The following HLCS variants were observed in gnomAD, a reference collection of about 807,000 sequenced individuals.
The protein encoded by HLCS is biotin--protein ligase.
HLCS carries 53 observed loss-of-function variants against 75.0 expected under a neutral mutation model. The ratio of observed to expected loss-of-function variants is 0.71; its 90% CI spans 0.57 to 0.89. The LOEUF is 0.89. HLCS is among the 40% of genes least tolerant of loss of function. The pLI, the probability that HLCS is intolerant of heterozygous loss-of-function variation, is 0.00. For synonymous variants in HLCS, 431 were observed against 428.6 expected (o/e 1.01, Z -0.07); for missense variants, 966 against 1,074.0 (o/e 0.90, Z 1.41).
At position 36,985,496 on chromosome 21, in the gene HLCS, G is replaced by A. The variant is rs141516044; in HGVS notation, c.-393+4662C>T. 5.8e-3 allele frequency among the ~76,000 whole-genome samples: 881 copies of A among 152,252 alleles called. 6 individuals are homozygous for A. Among genetic ancestry groups the A allele is most frequent in the Non-Finnish European group, 9.8e-3 (666 of 68,026 alleles). On this transcript the variant is annotated intron_variant, in intron 1 of 11. Coordinates refer to the HLCS transcript ENST00000336648. ...AAAAATACAAAAATTCGCTGGGCAC[G>A]GTGGCTCACGCCTGTAATCCCAGCA...
chr21:36,952,536 G>A (rs928510005), intron 2 of HLCS, among the ~76,000 whole-genome samples: 1 of 152,076 alleles, frequency 6.6e-6, no homozygotes, highest in Non-Finnish European at 1.5e-5. Context: ...GCTCACGCCC[G>A]TAATCCCAGC....
At chr21:36,990,197 C>G (rs539794628) in exon 1 of HLCS, 1 of 152,438 alleles carries the variant, frequency 6.6e-6, no homozygotes, top group Non-Finnish European at 1.5e-5. Context: ...GCCGGGTGGT[C>G]GCCCGCGAAT....
At chr21:36,863,099 T>C (rs1429069458) in intron 6 of HLCS, among the ~76,000 whole-genome samples, 1 of 152,056 alleles carries the variant, frequency 6.6e-6, no homozygotes, top group Non-Finnish European at 1.5e-5. Flanking sequence ...CCAAATCCCA[T>C]GAGACAGAAA....
rs73902740 is a variant in HLCS at position 36,825,005 on chromosome 21, G to T, written c.1893-57720C>A. On this transcript the variant is annotated intron_variant, in intron 6 of 10. Coordinates refer to ENST00000674895, the MANE Select transcript of HLCS (RefSeq NM_001352514.2). The stretch of plus-strand genomic sequence containing the variant: ...AAAACTTCTTTTTGAAAGAAAGAAA[G>T]ACTTTGACATAAAAATGTTCAATGT... Among the ~76,000 whole-genome samples, 604 of 152,276 alleles carry T rather than the reference G, an allele frequency of 4.0e-3. 2 individuals carry two copies. The highest frequency in any genetic ancestry group is 0.014 in the African/African-American group (569 of 41,562).
chr21:36,848,064 T>C (rs1416629743), intron 6 of HLCS, among the ~76,000 whole-genome samples: 1 of 152,190 alleles, frequency 6.6e-6, no homozygotes, highest in Non-Finnish European at 1.5e-5. Context: ...TTCTGTATTA[T>C]AAATGGCAAA....
At chr21:36,953,611 G>A (rs2067774705) in intron 2 of HLCS, among the ~76,000 whole-genome samples, 1 of 151,980 alleles carries the variant, frequency 6.6e-6, no homozygotes, top group Non-Finnish European at 1.5e-5. Context: ...ACATCTTTTA[G>A]CCCCATAAAG....
intron 6 of HLCS, among the ~76,000 whole-genome samples, chr21:36,859,387 C>T (rs1188402069): frequency 6.6e-6 from 1 of 152,156 alleles, no homozygotes; most frequent in Non-Finnish European, 1.5e-5. Context: ...CTAGAACCTC[C>T]CTGGCTTCTC....
chr21:36,804,803 G>C (rs1332240959), intron 6 of HLCS, among the ~76,000 whole-genome samples: 2 of 152,100 alleles, frequency 1.3e-5, no homozygotes, highest in African/African-American at 4.8e-5. Context: ...AACAACATCA[G>C]GTTTTTGGTA....
chr21:36,948,782 G>A (rs930340142), intron 2 of HLCS, among the ~76,000 whole-genome samples: 17 of 145,592 alleles, frequency 1.2e-4, no homozygotes, highest in Non-Finnish European at 2.4e-4. Flanking sequence ...CACTTTTAAG[G>A]GTATTGGAAA....
chr21:36,882,431 T>G (rs913927786), intron 6 of HLCS, among the ~76,000 whole-genome samples: 1 of 151,244 alleles, frequency 6.6e-6, no homozygotes, highest in African/African-American at 2.4e-5. Context: ...GATTTTGGGG[T>G]TTTTTTGTTT....
intron 2 of HLCS, among the ~76,000 whole-genome samples, chr21:36,943,096 A>C (rs968308038): frequency 2.6e-5 from 4 of 152,158 alleles, no homozygotes; most frequent in Admixed American, 2.6e-4. Context: ...ACAAGGAAAA[A>C]CTGGAACTCT....
At chr21:36,951,940 A>G (rs1206307225) in intron 2 of HLCS, among the ~76,000 whole-genome samples, 1 of 152,234 alleles carries the variant, frequency 6.6e-6, no homozygotes, top group East Asian at 1.9e-4. Flanking sequence ...TGAATGCTAC[A>G]TTTTTTAAAA....
intron 6 of HLCS, among the ~76,000 whole-genome samples, chr21:36,890,200 C>T (rs539236474): frequency 6.6e-6 from 1 of 152,272 alleles, no homozygotes; most frequent in Non-Finnish European, 1.5e-5. Flanking sequence ...AACCTCTTTC[C>T]TTTGTAAATT....
rs770038271 is a variant in HLCS at position 36,937,327 on chromosome 21, T to C, written c.559A>G (p.Ile187Val). The C allele has an allele frequency of 6.2e-7, 1 of 1,614,074 alleles. No individual in the cohort carries two copies. Among genetic ancestry groups the C allele is most frequent in the South Asian group, 1.1e-5 (1 of 91,078 alleles). ...KDQVSNKQAQILEPKPEPSLE... is the reference protein window; with the variant it reads ...KDQVSNKQAQVLEPKPEPSLE... ...GAAGGTTCAGGCTTCGGCTCTAGGA[T>C]CTGGGCTTGCTTGTTTGAGACCTGA... Residue 187 changes from isoleucine (I) to valine (V), a missense_variant, in exon 4 of 11, where the codon ATC becomes GTC. Ile to Val is a conservative substitution (Grantham distance 29). Coordinates refer to ENST00000674895, the MANE Select transcript of HLCS (RefSeq NM_001352514.2).
At chr21:36,777,977 TA>T (rs2060411421) in intron 6 of HLCS, among the ~76,000 whole-genome samples, 1 of 152,242 alleles carries the variant, frequency 6.6e-6, no homozygotes, top group South Asian at 2.1e-4. Flanking sequence ...ATTTATTTTT[TA>T]TTTTTTTGGA....
At chr21:36,979,229 G>A (rs1475123989) in intron 1 of HLCS, among the ~76,000 whole-genome samples, 1 of 149,630 alleles carries the variant, frequency 6.7e-6, no homozygotes, top group Non-Finnish European at 1.5e-5. Flanking sequence ...CCAAGATCGC[G>A]CCACTGCCCT....
At chr21:36,904,178 A>C (rs1250904764) in intron 5 of HLCS, among the ~76,000 whole-genome samples, 1 of 152,198 alleles carries the variant, frequency 6.6e-6, no homozygotes, top group Admixed American at 6.5e-5. Context: ...CTACAAGACA[A>C]AAATTCACTC....
intron 6 of HLCS, among the ~76,000 whole-genome samples, chr21:36,801,093 C>T (rs1601310743): frequency 2.6e-5 from 4 of 151,960 alleles, no homozygotes; most frequent in Admixed American, 6.6e-5. Flanking sequence ...TGGGACATGC[C>T]GGAAATTTAT....
At chr21:36,960,344 C>G (rs1287024454) in intron 2 of HLCS, among the ~76,000 whole-genome samples, 1 of 152,084 alleles carries the variant, frequency 6.6e-6, no homozygotes, top group Non-Finnish European at 1.5e-5. Context: ...AAACGACACC[C>G]CAAGGATCCT....
Sources: gnomAD v4.1 joint callset for allele counts (sites outside exome capture counted in the v4.1 genomes callset) on GRCh38, gnomAD v4.1.1 for gene constraint, MANE v1.5 for transcripts, NCBI Gene and HGNC (gene_info 2026-07-23, HGNC 2026-07-21) for gene names.